Variants in CDC25C observed in about 807,000 individuals in gnomAD.
CDC25C encodes the protein cell division cycle 25C.
Under a neutral mutation model 52.5 loss-of-function variants are expected in CDC25C, and 48 were observed. The observed-to-expected ratio is 0.91, with a 90% CI of 0.72 to 1.16. The LOEUF (loss-of-function observed/expected upper bound fraction) is 1.16, where lower values mean the gene tolerates loss of function less well. Ranked by LOEUF, CDC25C falls within the 50% of genes most tolerant of loss-of-function variation. CDC25C has a pLI of 0.00. For missense variants in CDC25C, 510 were observed against 566.1 expected (o/e 0.90, Z 1.01); for synonymous variants, 187 against 206.5 (o/e 0.91, Z 0.81).
upstream of CDC25C, among the ~76,000 whole-genome samples, chr5:138,335,884 TATTA>T (rs1760666951): frequency 6.6e-6 from 1 of 151,574 alleles, no homozygotes; most frequent in Non-Finnish European, 1.5e-5. Flanking sequence ...ATAATTAAAT[TATTA>T]ATTTAATTAA....
At chr5:138,328,706 G>GT (rs1561723920) in intron 3 of CDC25C, 177 bp from the exon 4 acceptor site, 4 of 554,636 alleles carry the variant, frequency 7.2e-6, no homozygotes, top group Admixed American at 3.1e-5. Context: ...TCACAGAAAC[G>GT]TAAGAATTTA....
At chr5:138,294,141 C>T (rs1756987683) in intron 7 of CDC25C, among the ~76,000 whole-genome samples, 1 of 150,862 alleles carries the variant, frequency 6.6e-6, no homozygotes, top group Admixed American at 6.6e-5. Context: ...TTCTCCTTGC[C>T]TCAGCCTCTG....
Position 138,327,433 on chromosome 5 carries a change from C to G in CDC25C, c.335+1051G>C, listed in dbSNP as rs554505792. ...ATCACTTGAGGTCAGGAGTTCAAGACCAGCCTGGCCAACATGGTGAAGCCT... is the reference window on the plus strand; with the variant it reads ...ATCACTTGAGGTCAGGAGTTCAAGAGCAGCCTGGCCAACATGGTGAAGCCT... On this transcript the variant is annotated intron_variant, in intron 4 of 13. Coordinates refer to ENST00000323760, the MANE Select transcript of CDC25C (RefSeq NM_001790.5). Among the ~76,000 whole-genome samples, 37 of 151,856 alleles carry G rather than the reference C, an allele frequency of 2.4e-4. No homozygotes were observed. The South Asian group carries it at 7.5e-3, about 31-fold the overall frequency.
In CDC25C at chr5:138,331,785, T is replaced by TCTGAGCAAGAATATCA; in HGVS notation, c.-230_-229insTGATATTCTTGCTCAG. 3 of 986,212 alleles carry TCTGAGCAAGAATATCA rather than the reference T, an allele frequency of 3.0e-6. No homozygotes were observed. The highest frequency in any genetic ancestry group is 3.6e-6 in the Non-Finnish European group (3 of 830,530). 61.1% of individuals were successfully genotyped at this position (986,212 alleles called of 1,614,324 possible). ...TCTTCCCTGAGCAGAAGGCCAAAGT[T>TCTGAGCAAGAATATCA]ACGGCCTCTGAGCAAGAATATCAAC... On this transcript the variant is annotated 5_prime_UTR_variant, in exon 1 of 14. Transcript: ENST00000323760.
intron 7 of CDC25C, among the ~76,000 whole-genome samples, chr5:138,293,767 C>T (rs1756934198): frequency 6.6e-6 from 1 of 151,718 alleles, no homozygotes; most frequent in South Asian, 2.1e-4. Flanking sequence ...CCAACTCAGC[C>T]TCCTGAGTAA....
At chr5:138,322,767 G>A (rs1263637362) in intron 6 of CDC25C, among the ~76,000 whole-genome samples, 1 of 150,686 alleles carries the variant, frequency 6.6e-6, no homozygotes, top group African/African-American at 2.4e-5. Context: ...GAGCCACCGC[G>A]CCCGGCCCTG....
Position 138,331,148 on chromosome 5 carries a change from C to A in CDC25C, c.33G>T (p.Glu11Asp). 6.2e-7 allele frequency: 1 copy of A among 1,614,144 alleles called. No individual in the cohort carries two copies. The highest frequency in any genetic ancestry group is 8.5e-7 in the Non-Finnish European group (1 of 1,179,980). MSTELFSSTR[E>D]EGSSGSGPSF... ...TGGGTCCTGAGCCAGAGCTTCCTTC[C>A]TCTCTTGTGGATGAGAAGAGTTCCG... The change falls in exon 2 of 14, where the codon GAG (glutamate) becomes GAT (aspartate). Residue 11 changes from glutamate to aspartate, a missense_variant. Glu to Asp is a conservative substitution (Grantham distance 45). Coordinates refer to ENST00000323760, the MANE Select transcript of CDC25C (RefSeq NM_001790.5).
intron 7 of CDC25C, among the ~76,000 whole-genome samples, chr5:138,292,480 C>CAAAAAAAAAAAAA (rs70982703): frequency 1.6e-5 from 1 of 63,508 alleles, no homozygotes; most frequent in African/African-American, 6.8e-5. Context: ...GTTATGTGAC[C>CAAAAAAAAAAAAA]AAAAAAAAAA....
intron 4 of CDC25C, among the ~76,000 whole-genome samples, chr5:138,328,002 G>A (rs1190452556): frequency 2.6e-5 from 4 of 152,134 alleles, no homozygotes; most frequent in South Asian, 2.1e-4. Flanking sequence ...AAGTAGCTGC[G>A]ATTACAGGCA....
At position 138,318,410 on chromosome 5, in the gene CDC25C, G is replaced by A. The variant is rs762110574; in HGVS notation, c.615+809C>T. 4.7e-4 allele frequency among the ~76,000 whole-genome samples: 72 copies of A among 152,100 alleles called. 3 individuals are homozygous for A. Among genetic ancestry groups the A allele is most frequent in the Admixed American group, 6.6e-5 (1 of 15,260 alleles). On this transcript the variant is annotated intron_variant, in intron 7 of 13. Coordinates refer to ENST00000323760, the MANE Select transcript of CDC25C (RefSeq NM_001790.5). Reference sequence around the variant, plus strand: ...GACTCATACATATCAGGCATAAAATGTTTATTCAAGAATGAATTGTTGGCT... The same window carrying A: ...GACTCATACATATCAGGCATAAAATATTTATTCAAGAATGAATTGTTGGCT...
chr5:138,324,446 A>AG (rs1310123516), intron 6 of CDC25C, among the ~76,000 whole-genome samples: 17 of 151,776 alleles, frequency 1.1e-4, no homozygotes, highest in African/African-American at 4.1e-4. Context: ...TTCTAGGGAG[A>AG]GGAAAAAAAA....
At chr5:138,316,301 C>T (rs768073616) in intron 7 of CDC25C, among the ~76,000 whole-genome samples, 2 of 152,178 alleles carry the variant, frequency 1.3e-5, no homozygotes, top group Admixed American at 6.5e-5. Context: ...AGTCCGGGGG[C>T]GGATCTGTGT....
rs1211742712 is a variant in CDC25C at position 138,286,558 on chromosome 5, T to G, written c.1099A>C (p.Thr367Pro). The change falls in exon 12 of 14, where the codon ACC (threonine) becomes CCC (proline). Residue 367 changes from threonine (T) to proline (P), a missense_variant. Thr to Pro is a conservative substitution (Grantham distance 38, BLOSUM62 -1). Transcript: ENST00000323760. Reference protein sequence around the residue: ...FLKKPIVPLDTQKRIIIVFHC... With the variant: ...FLKKPIVPLDPQKRIIIVFHC... Reference sequence around the variant, plus strand: ...AACACGATGATTATTCTCTTCTGGGTGTCCAAAGGGACGATGGGCTTCTTC... The same window carrying G: ...AACACGATGATTATTCTCTTCTGGGGGTCCAAAGGGACGATGGGCTTCTTC... The G allele has an allele frequency of 6.2e-7, 1 of 1,613,898 alleles. No homozygotes were observed. The highest frequency in any genetic ancestry group is 8.5e-7 in the Non-Finnish European group (1 of 1,179,886).
At chr5:138,317,879 T>A (rs1321160984) in intron 7 of CDC25C, among the ~76,000 whole-genome samples, 1 of 152,186 alleles carries the variant, frequency 6.6e-6, no homozygotes, top group Admixed American at 6.5e-5. Flanking sequence ...AGGTATATTC[T>A]ATACATTTAT....
intron 6 of CDC25C, 25 bp downstream of exon 6, chr5:138,325,790 A>G: frequency 6.5e-7 from 1 of 1,532,942 alleles, no homozygotes; most frequent in Non-Finnish European, 9.0e-7. Flanking sequence ...CTGCCAATAT[A>G]TCTAGGTTTC....
intron 7 of CDC25C, among the ~76,000 whole-genome samples, chr5:138,306,724 C>T (rs183085221): frequency 3.3e-5 from 5 of 151,584 alleles, no homozygotes; most frequent in African/African-American, 4.8e-5. Context: ...GATCTGCCCA[C>T]CTCAGCCTCC....
At position 138,286,613 on chromosome 5, in the gene CDC25C, A is replaced by G; in HGVS notation, c.1044T>C (p.Tyr348=). 6.2e-7 allele frequency: 1 copy of G among 1,613,414 alleles called. No homozygotes were observed. The highest frequency in any genetic ancestry group is 1.1e-5 in the South Asian group (1 of 90,998). The part of the protein sequence containing the change: ...GGHIQGALNL[Y]SQEELFNFFL... ...AGAAGTTAAACAGTTCTTCCTGACTATATAAGTTTAAGGCTCCCTGTAGAA... is the reference window on the plus strand; with the variant it reads ...AGAAGTTAAACAGTTCTTCCTGACTGTATAAGTTTAAGGCTCCCTGTAGAA... Residue 348 remains tyrosine, a synonymous_variant, in exon 12 of 14, where the codon TAT becomes TAC. Transcript: ENST00000323760.
intron 6 of CDC25C, among the ~76,000 whole-genome samples, chr5:138,319,970 C>T (rs1759218012): frequency 6.6e-6 from 1 of 152,152 alleles, no homozygotes; most frequent in Admixed American, 6.5e-5. Context: ...GTAGAATTAT[C>T]ATGTAATCAA....
At chr5:138,291,715 G>A (rs1183766489) in intron 8 of CDC25C, among the ~76,000 whole-genome samples, 1 of 151,164 alleles carries the variant, frequency 6.6e-6, no homozygotes, top group Non-Finnish European at 1.5e-5. Context: ...CACTGCACCC[G>A]GCCTATGACA....
Sources: gnomAD v4.1 joint callset for allele counts (sites outside exome capture counted in the v4.1 genomes callset) on GRCh38, gnomAD v4.1.1 for gene constraint, MANE v1.5 for transcripts, NCBI Gene and HGNC (gene_info 2026-07-23, HGNC 2026-07-21) for gene names.